CD8B2: variants seen among roughly 807,000 people sequenced by gnomAD.
CD8B2 encodes T-cell surface glycoprotein CD8 beta-2 chain.
Under a neutral mutation model 23.7 loss-of-function variants are expected in CD8B2, and 11 were observed. That is an observed-to-expected ratio of 0.46 (90% CI 0.29 to 0.77). The LOEUF is 0.77. Ranked by LOEUF, CD8B2 falls within the 30% of genes least tolerant of loss-of-function variation. The pLI, the probability that CD8B2 is intolerant of heterozygous loss-of-function variation, is 0.09. For synonymous variants in CD8B2, 90 were observed against 109.3 expected, an observed-to-expected ratio of 0.82 and a Z score of 1.10; for missense variants, 197 against 270.5, an observed-to-expected ratio of 0.73 and a Z score of 1.91.
chr2:106,504,425 A>G, intron 5 of CD8B2, 100 bp downstream of exon 5: 1 of 1,545,898 alleles, frequency 6.5e-7, no homozygotes, highest in Non-Finnish European at 8.8e-7. Flanking sequence ...CTCATCTTCC[A>G]AAGATCATAG....
chr2:106,498,419 A>G (rs535643722), intron 3 of CD8B2, among the ~76,000 whole-genome samples: 11 of 152,268 alleles, frequency 7.2e-5, no homozygotes, highest in African/African-American at 2.4e-4. Flanking sequence ...AAGTGCTGGG[A>G]TTACAGGCGT....
At chr2:106,494,989 C>T (rs925622717) in intron 2 of CD8B2, among the ~76,000 whole-genome samples, 2 of 152,134 alleles carry the variant, frequency 1.3e-5, no homozygotes, top group Admixed American at 6.5e-5. Flanking sequence ...GAGCTTCCTC[C>T]ATGTGCTTAG....
Position 106,491,269 on chromosome 2 carries a change from A to G in CD8B2, c.403+36A>G, listed in dbSNP as rs1573327884. ...GGCTCAATGCTATCAGTGAGCACCG[A>G]CTGTGTGCCAGGCACGTGCCAGGCA... is the stretch of plus-strand genomic sequence containing the variant. On this transcript the variant is annotated intron_variant, in intron 2 of 5. Transcript: ENST00000643224. The G allele has an allele frequency of 3.4e-6, 5 of 1,468,496 alleles. No individual in the cohort carries two copies. In the East Asian group the frequency reaches 1.1e-4, roughly 33 times the overall value. The allele number at this position is 1,468,496 out of a possible 1,614,324, so 91.0% of individuals were successfully genotyped here.
chr2:106,492,221 C>T (rs1042099526), intron 2 of CD8B2, among the ~76,000 whole-genome samples: 4 of 152,098 alleles, frequency 2.6e-5, no homozygotes, highest in African/African-American at 7.2e-5. Context: ...CCATGACCCA[C>T]TTAATCCCAG....
intron 5 of CD8B2, among the ~76,000 whole-genome samples, chr2:106,527,972 T>C (rs1196272759): frequency 1.3e-5 from 2 of 152,166 alleles, no homozygotes; most frequent in East Asian, 1.9e-4. Flanking sequence ...CCTTTCAATG[T>C]CCAGCATATC....
At chr2:106,528,159 C>G (rs1309514635) in intron 5 of CD8B2, among the ~76,000 whole-genome samples, 1 of 152,120 alleles carries the variant, frequency 6.6e-6, no homozygotes, top group African/African-American at 2.4e-5. Flanking sequence ...GCTTATTAGC[C>G]TTGTGTATAT....
chr2:106,507,165 G>A lies in CD8B2; in HGVS notation c.*225G>A, dbSNP rs1485109225. On this transcript the variant is annotated 3_prime_UTR_variant, in exon 6 of 6. Coordinates refer to ENST00000643224, the MANE Select transcript of CD8B2 (RefSeq NM_001349727.2). The stretch of plus-strand genomic sequence containing the variant: ...GGGAGAAGGTTTCATTGCCCCCAGG[G>A]CACTTCACAGAGTGTGCTGGAGGAC... 5.0e-6 allele frequency: 7 copies of A among 1,390,246 alleles called. No individual in the cohort carries two copies. Among genetic ancestry groups the A allele is most frequent in the African/African-American group, 1.5e-5 (1 of 67,794 alleles). The allele number at this position is 1,390,246 out of a possible 1,614,324, so 86.1% of individuals were successfully genotyped here.
intron 1 of CD8B2, among the ~76,000 whole-genome samples, chr2:106,488,847 A>G (rs1679133834): frequency 6.6e-6 from 1 of 152,136 alleles, no homozygotes; most frequent in Non-Finnish European, 1.5e-5. Flanking sequence ...ATTGATTCTT[A>G]TTAACTCCCC....
chr2:106,514,286 CTTTTT>C (rs536439504), downstream of CD8B2, among the ~76,000 whole-genome samples: 5 of 112,028 alleles, frequency 4.5e-5, no homozygotes, highest in Non-Finnish European at 3.6e-5. Context: ...GAACGCTTGT[CTTTTT>C]TTTTTTTTTT....
intron 5 of CD8B2, among the ~76,000 whole-genome samples, chr2:106,535,816 T>C (rs1680078519): frequency 6.6e-6 from 1 of 152,192 alleles, no homozygotes; most frequent in Non-Finnish European, 1.5e-5. Context: ...CTTGCACTGC[T>C]ATAAATACCT....
chr2:106,513,051 C>T (rs56330711), downstream of CD8B2, among the ~76,000 whole-genome samples: 4 of 152,166 alleles, frequency 2.6e-5, no homozygotes, highest in East Asian at 7.8e-4. Context: ...TAGGCCCCCA[C>T]AAGCTGAGAG....
chr2:106,535,733 G>A (rs571624699), intron 5 of CD8B2, among the ~76,000 whole-genome samples: 5 of 152,254 alleles, frequency 3.3e-5, no homozygotes, highest in African/African-American at 1.2e-4. Flanking sequence ...GTAAATCCCA[G>A]CTCTAACATT....
downstream of CD8B2, among the ~76,000 whole-genome samples, chr2:106,515,884 G>T (rs543653394): frequency 2.1e-3 from 313 of 151,788 alleles, no homozygotes; most frequent in Non-Finnish European, 3.8e-3. Flanking sequence ...GTGCAATGGC[G>T]TGATCTCAGC....
chr2:106,538,595 T>C (rs1455872625), intron 5 of CD8B2, among the ~76,000 whole-genome samples: 1 of 152,158 alleles, frequency 6.6e-6, no homozygotes, highest in Non-Finnish European at 1.5e-5. Context: ...AGCCGAGCAG[T>C]GTCCTGAGTA....
rs962548262 is a variant in CD8B2 at position 106,487,422 on chromosome 2, C to A, written c.-5C>A. ...CCCGGGGCCAGGTGTCCCGGGCGCG[C>A]CCCGATGCGGCCGCGGCTGTGGCTC... On this transcript the variant is annotated 5_prime_UTR_variant, in exon 1 of 6. Transcript: ENST00000643224. 12 of 1,243,836 alleles carry A rather than the reference C, an allele frequency of 9.6e-6. No homozygotes were observed. The African/African-American group carries it at 1.9e-4, about 19-fold the overall frequency. 77.0% of individuals were successfully genotyped at this position (1,243,836 alleles called of 1,614,324 possible). A position where few individuals can be genotyped will look rare whatever the true frequency, so the allele number is the denominator to read the frequency against.
At chr2:106,535,993 G>A (rs1164999668) in intron 5 of CD8B2, among the ~76,000 whole-genome samples, 2 of 151,418 alleles carry the variant, frequency 1.3e-5, no homozygotes, top group South Asian at 2.1e-4. Flanking sequence ...TACATGGCCA[G>A]AGTAGCAAGA....
intron 5 of CD8B2, chr2:106,543,076 C>A (rs1230749318): frequency 6.6e-6 from 1 of 152,190 alleles, no homozygotes; most frequent in Non-Finnish European, 1.5e-5. Context: ...GCTCTGTTAA[C>A]AGTGTAAAGA....
intron 3 of CD8B2, among the ~76,000 whole-genome samples, chr2:106,500,807 T>C (rs534776178): frequency 1.3e-5 from 2 of 151,836 alleles, no homozygotes; most frequent in South Asian, 2.1e-4. Context: ...ATTTGGGACA[T>C]TGATAGTGTA....
chr2:106,522,588 C>G (rs992468473), intron 5 of CD8B2, among the ~76,000 whole-genome samples: 1 of 152,108 alleles, frequency 6.6e-6, no homozygotes, highest in Admixed American at 6.6e-5. Context: ...TCTGGGGTCC[C>G]TTTAGCAGCT....
Sources: gnomAD v4.1 joint callset for allele counts (sites outside exome capture counted in the v4.1 genomes callset) on GRCh38, gnomAD v4.1.1 for gene constraint, MANE v1.5 for transcripts, NCBI Gene and HGNC (gene_info 2026-07-23, HGNC 2026-07-21) for gene names.